Variants in RELB observed in about 807,000 individuals in gnomAD.
The protein encoded by RELB is transcription factor RelB.
In RELB, 14 loss-of-function variants were observed where a neutral mutation model predicts 55.4. The observed-to-expected ratio is 0.25, with a 90% CI of 0.17 to 0.40. RELB has a LOEUF of 0.40. Ranked by LOEUF, RELB falls within the 10% of genes least tolerant of loss-of-function variation. The pLI, the probability that RELB is intolerant of heterozygous loss-of-function variation, is 1.00. For missense variants in RELB, 669 were observed against 830.7 expected (o/e 0.81, Z 2.39); for synonymous variants, 409 against 371.3 (o/e 1.10, Z -1.17).
chr19:45,002,623 G>A (rs893846282), intron 1 of RELB, among the ~76,000 whole-genome samples: 1 of 152,184 alleles, frequency 6.6e-6, no homozygotes, highest in African/African-American at 2.4e-5. Flanking sequence ...AAAGTGCTGG[G>A]ATTACAGGTG....
At chr19:45,023,561 G>T (rs929026659) in intron 5 of RELB, among the ~76,000 whole-genome samples, 2 of 140,262 alleles carry the variant, frequency 1.4e-5, no homozygotes, top group Non-Finnish European at 3.1e-5. Flanking sequence ...CCTCAGCCTC[G>T]CAAGTAGCTG....
chr19:45,032,442 A>G, intron 8 of RELB, 92 bp from the exon 9 acceptor site: 3 of 1,046,480 alleles, frequency 2.9e-6, no homozygotes, highest in Non-Finnish European at 4.3e-6. Flanking sequence ...AAAAGGGGGA[A>G]TATTAGTCTT....
intron 4 of RELB, among the ~76,000 whole-genome samples, chr19:45,017,991 G>A (rs1971440583): frequency 6.6e-6 from 1 of 151,156 alleles, no homozygotes; most frequent in South Asian, 2.1e-4. Context: ...TAGAGACCAG[G>A]CGCGGTGGCT....
rs760754176 is a variant in RELB, at chr19:45,002,910, C to G, written c.107-39C>G. 3.2e-6 allele frequency: 5 copies of G among 1,579,340 alleles called. No individual in the cohort carries two copies. The South Asian group carries it at 4.5e-5, about 14-fold the overall frequency. On this transcript the variant is annotated intron_variant, in intron 1 of 11. Transcript: ENST00000221452. Reference sequence around the variant, plus strand: ...GGGATATTCTCTGGTCCTCTGGCTGCCCCCCATCACCTCCTGAGACGTTTC... The same window carrying G: ...GGGATATTCTCTGGTCCTCTGGCTGGCCCCCATCACCTCCTGAGACGTTTC...
chr19:45,008,821 A>G (rs757896430), intron 2 of RELB: 56 of 286,928 alleles, frequency 2.0e-4, no homozygotes, highest in Admixed American at 4.3e-4. Context: ...TCTAAGGCTC[A>G]CTGGCGGCCT....
At chr19:45,023,702 T>C (rs1971520059) in intron 5 of RELB, among the ~76,000 whole-genome samples, 1 of 147,898 alleles carries the variant, frequency 6.8e-6, no homozygotes, top group Non-Finnish European at 1.5e-5. Flanking sequence ...CCTCCCAAAG[T>C]GCTGGGATTA....
chr19:45,028,586 G>A (rs1254945683), intron 7 of RELB, among the ~76,000 whole-genome samples: 2 of 151,916 alleles, frequency 1.3e-5, no homozygotes, highest in Non-Finnish European at 2.9e-5. Flanking sequence ...CACCTGCCTC[G>A]GCCTCCCAAA....
At chr19:45,034,601 C>A in intron 11 of RELB, 73 bp downstream of exon 11, 1 of 1,291,714 alleles carries the variant, frequency 7.7e-7, no homozygotes, top group South Asian at 1.3e-5. Context: ...GCTTTTCTGG[C>A]CTCTTCACGC....
At chr19:45,036,000 A>G (rs933403332) in intron 11 of RELB, among the ~76,000 whole-genome samples, 1 of 152,236 alleles carries the variant, frequency 6.6e-6, no homozygotes, top group Non-Finnish European at 1.5e-5. Context: ...CCTTAGTCAC[A>G]TGATCACATC....
intron 5 of RELB, among the ~76,000 whole-genome samples, chr19:45,023,913 G>GCCCTGAAGTTTT (rs1568402260): frequency 4.7e-5 from 7 of 149,496 alleles, no homozygotes; most frequent in African/African-American, 1.7e-4. Flanking sequence ...ACCACACCTG[G>GCCCTGAAGTTTT]CTAATTTTTG....
chr19:45,030,943 A>T (rs1026375471), intron 8 of RELB, among the ~76,000 whole-genome samples: 1 of 152,156 alleles, frequency 6.6e-6, no homozygotes, highest in Non-Finnish European at 1.5e-5. Context: ...ACCTTGGACA[A>T]GTGACTTCAC....
rs752908186 is a variant in RELB at position 45,026,084 on chromosome 19, A to T, written c.886+347A>T. Among the ~76,000 whole-genome samples the T allele has an allele frequency of 2.6e-5, 4 of 152,206 alleles. No individual in the cohort carries two copies. In the South Asian group the frequency reaches 8.3e-4, roughly 32 times the overall value. ...CATGCCAAAACCCTGTCTACTAAAA[A>T]TACAAAAATTAGCTGGGCGCAGTGG... is the stretch of plus-strand genomic sequence containing the variant. On this transcript the variant is annotated intron_variant, in intron 7 of 11. Transcript: ENST00000221452.
chr19:45,006,972 A>T (rs1415032649), intron 2 of RELB, among the ~76,000 whole-genome samples: 1 of 151,210 alleles, frequency 6.6e-6, no homozygotes, highest in Admixed American at 6.6e-5. Context: ...AAAAAAAAAA[A>T]GAAAATGATA....
chr19:45,037,900 T>C lies in RELB; in HGVS notation c.*110T>C, dbSNP rs560646663. 2.8e-5 allele frequency: 32 copies of C among 1,123,856 alleles called. No homozygotes were observed. The South Asian group carries it at 5.8e-4, about 20-fold the overall frequency. 69.6% of individuals were successfully genotyped at this position (1,123,856 alleles called of 1,614,324 possible). ...TCCCCTTGGCCCTTCCTCATGCTTCTGAAGTGGACATATTCAGCCTTGGCG... is the reference window on the plus strand; with the variant it reads ...TCCCCTTGGCCCTTCCTCATGCTTCCGAAGTGGACATATTCAGCCTTGGCG... On this transcript the variant is annotated 3_prime_UTR_variant, in exon 12 of 12. Transcript: ENST00000221452.
chr19:45,025,539 C>T (rs538240791), intron 6 of RELB, 67 bp from the exon 7 acceptor site: 554 of 1,599,432 alleles, frequency 3.5e-4, no homozygotes, highest in Non-Finnish European at 4.4e-4. Flanking sequence ...ATCCCTTCCC[C>T]GTTCCCCTGT....
Position 45,032,634 on chromosome 19 carries a change from G to A in RELB, c.1092G>A (p.Pro364=), listed in dbSNP as rs953440455. The A allele has an allele frequency of 1.7e-5, 28 of 1,612,842 alleles. No homozygotes were observed. The highest frequency in any genetic ancestry group is 2.2e-5 in the South Asian group (2 of 90,784). ...AGATTGCCATTGTGTTCAAGACGCC[G>A]CCCTACGAGGACCTGGAGATTGTCG... ...HRQIAIVFKT[P]PYEDLEIVEP... is the part of the protein sequence containing the mutation. Residue 364 remains proline, a synonymous_variant, in exon 9 of 12, where the codon CCG becomes CCA. Coordinates refer to ENST00000221452, the MANE Select transcript of RELB (RefSeq NM_006509.4).
rs747094158 is a variant in RELB at position 45,012,162 on chromosome 19, G to A, written c.390G>A (p.Thr130=). The A allele has an allele frequency of 6.4e-7, 1 of 1,562,778 alleles. No individual in the cohort carries two copies. The highest frequency in any genetic ancestry group is 1.2e-5 in the South Asian group (1 of 85,366). ...GPGPQPHLVI[T]EQPKQRGMRF... ...GCCCGCAGCCGCACCTGGTCATCAC[G>A]GAGCAGCCCAAGCAGCGCGGCATGC... The change falls in exon 4 of 12, where the codon ACG becomes ACA. Residue 130 remains threonine, a synonymous_variant. Transcript: ENST00000221452.
intron 4 of RELB, among the ~76,000 whole-genome samples, chr19:45,021,523 G>A (rs1408252342): frequency 6.8e-6 from 1 of 147,334 alleles, no homozygotes; most frequent in Non-Finnish European, 1.5e-5. Flanking sequence ...ATTATATGAG[G>A]CCCCCCAGTT....
chr19:45,001,605 G>T lies in RELB; in HGVS notation c.26G>T (p.Gly9Val). 2.0e-6 allele frequency: 3 copies of T among 1,514,676 alleles called. No homozygotes were observed. The highest frequency in any genetic ancestry group is 2.0e-5 in the Admixed American group (1 of 49,340). 93.8% of individuals were successfully genotyped at this position (1,514,676 alleles called of 1,614,324 possible). A position where few individuals can be genotyped will look rare whatever the true frequency, so the allele number is the denominator to read the frequency against. ...ATGCTTCGGTCTGGGCCAGCCTCTG[G>T]GCCGTCCGTCCCCACTGGCCGGGCC... The part of the protein sequence containing the change: MLRSGPAS[G>V]PSVPTGRAMP... The change falls in exon 1 of 12, where the codon GGG becomes GTG. Residue 9 changes from glycine to valine, a missense_variant. Transcript: ENST00000221452.
Sources: gnomAD v4.1 joint callset for allele counts (sites outside exome capture counted in the v4.1 genomes callset) on GRCh38, gnomAD v4.1.1 for gene constraint, MANE v1.5 for transcripts, NCBI Gene and HGNC (gene_info 2026-07-23, HGNC 2026-07-21) for gene names.